The following GPAT4 variants were observed in gnomAD, a reference collection of about 807,000 sequenced individuals.
GPAT4 encodes glycerol-3-phosphate acyltransferase 4.
GPAT4 carries 17 observed loss-of-function variants against 58.0 expected under a neutral mutation model. The observed-to-expected ratio is 0.29, with a 90% CI of 0.20 to 0.44. The LOEUF (loss-of-function observed/expected upper bound fraction) is 0.44, where lower values mean the gene tolerates loss of function less well. Ranked by LOEUF, GPAT4 falls within the 20% of genes least tolerant of loss-of-function variation. The pLI, the probability that GPAT4 is intolerant of heterozygous loss-of-function variation, is 1.00. For synonymous variants in GPAT4, 204 were observed against 210.1 expected, an observed-to-expected ratio of 0.97 and a Z score of 0.25; for missense variants, 377 against 574.5, an observed-to-expected ratio of 0.66 and a Z score of 3.51.
rs140149185 is a variant in GPAT4, at chr8:41,580,879, G to C, written c.-849+2601G>C. ...GAGTGTTGTGGCTAGGCTCTTCAGAGGCTAGCCTAACTTGCTAAGTGGTTT... is the reference window on the plus strand; with the variant it reads ...GAGTGTTGTGGCTAGGCTCTTCAGACGCTAGCCTAACTTGCTAAGTGGTTT... On this transcript the variant is annotated intron_variant, in intron 1 of 12. Coordinates refer to ENST00000396987, the MANE Select transcript of GPAT4 (RefSeq NM_178819.4). 7.1e-4 allele frequency among the ~76,000 whole-genome samples: 108 copies of C among 152,298 alleles called. 1 individual carries two copies. The East Asian group carries it at 0.015, about 21-fold the overall frequency.
chr8:41,582,611 A>T (rs542133033), intron 1 of GPAT4, among the ~76,000 whole-genome samples: 13 of 152,220 alleles, frequency 8.5e-5, no homozygotes, highest in African/African-American at 2.9e-4. Flanking sequence ...ATGCTTTTTT[A>T]AAAAGCACAA....
chr8:41,614,400 T>C lies in GPAT4; in HGVS notation c.926T>C (p.Val309Ala). ...TTCTTTGAAAGACTGACTGAACATG[T>C]GCAAGATAAAAGCAAGCTGCCTATC... ...HLVAKRLTEHVQDKSKLPILI... is the reference protein window; with the variant it reads ...HLVAKRLTEHAQDKSKLPILI... The change falls in exon 9 of 13, where the codon GTG becomes GCG. Residue 309 changes from valine (V) to alanine (A), a missense_variant. By Grantham distance (64) the Val-to-Ala change is moderately conservative. Coordinates refer to ENST00000396987, the MANE Select transcript of GPAT4 (RefSeq NM_178819.4). The C allele has an allele frequency of 6.2e-7, 1 of 1,614,088 alleles. No homozygotes were observed. Among genetic ancestry groups the C allele is most frequent in the Non-Finnish European group, 8.5e-7 (1 of 1,179,976 alleles).
intron 1 of GPAT4, among the ~76,000 whole-genome samples, chr8:41,582,082 C>T (rs1446311584): frequency 2.2e-5 from 3 of 136,388 alleles, no homozygotes; most frequent in Non-Finnish European, 4.5e-5. Context: ...GATCTCGGCT[C>T]TCTGCAACCC....
chr8:41,598,392 C>A lies in GPAT4; in HGVS notation c.-748C>A, dbSNP rs941876817. The stretch of plus-strand genomic sequence containing the variant: ...GTCCAGAGGATACCAATGCCAGATG[C>A]ATCTGGAGTTACACTCAGCACTCGC... On this transcript the variant is annotated 5_prime_UTR_variant, in exon 2 of 13. Coordinates refer to ENST00000396987, the MANE Select transcript of GPAT4 (RefSeq NM_178819.4). 3 of 152,198 alleles carry A rather than the reference C, an allele frequency of 2.0e-5. No homozygotes were observed. The highest frequency in any genetic ancestry group is 4.4e-5 in the Non-Finnish European group (3 of 68,062). The allele number at this position is 152,198 out of a possible 1,614,324, so 9.4% of individuals were successfully genotyped here.
At chr8:41,617,738 C>T (rs1411865711) in intron 10 of GPAT4, among the ~76,000 whole-genome samples, 2 of 152,166 alleles carry the variant, frequency 1.3e-5, no homozygotes, top group Non-Finnish European at 2.9e-5. Context: ...GCAGCATGGC[C>T]GTGTGGCATA....
At position 41,594,568 on chromosome 8, in the gene GPAT4, T is replaced by C. The variant is rs1385859222; in HGVS notation, c.-848-3724T>C. Among the ~76,000 whole-genome samples the C allele has an allele frequency of 3.7e-5, 5 of 135,922 alleles. No individual in the cohort carries two copies. The East Asian group carries it at 6.3e-4, about 17-fold the overall frequency. 89.2% of individuals were successfully genotyped at this position (135,922 alleles called of 152,430 possible). A position where few individuals can be genotyped will look rare whatever the true frequency, so the allele number is the denominator to read the frequency against. On this transcript the variant is annotated intron_variant, in intron 1 of 12. Transcript: ENST00000396987. ...AAACTTTTTTTTTTTTTTTTTGAGA[T>C]GGAGTCTCGCTCTGTCGCTCAGGCT...
At chr8:41,613,010 A>G in intron 8 of GPAT4, 50 bp downstream of exon 8, 2 of 1,532,334 alleles carry the variant, frequency 1.3e-6, no homozygotes, top group Non-Finnish European at 1.8e-6. Flanking sequence ...AATGCTGAAA[A>G]GGTTTCAGGG....
At position 41,619,046 on chromosome 8, in the gene GPAT4, A is replaced by G. The variant is rs912046618; in HGVS notation, c.1262+69A>G. On this transcript the variant is annotated intron_variant, in intron 12 of 12. Coordinates refer to ENST00000396987, the MANE Select transcript of GPAT4 (RefSeq NM_178819.4). ...ATGCTGTGTCATTGACTTCACTTAC[A>G]TGTCATTCCCCGTGGTGTGGAGAAT... 13 of 1,548,834 alleles carry G rather than the reference A, an allele frequency of 8.4e-6. No homozygotes were observed. The Admixed American group carries it at 1.7e-4, about 20-fold the overall frequency.
chr8:41,615,837 G>GC (rs766956926), intron 10 of GPAT4, among the ~76,000 whole-genome samples: 1 of 152,338 alleles, frequency 6.6e-6, no homozygotes, highest in East Asian at 1.9e-4. Context: ...TGGGTTGTCT[G>GC]CAGAGCATTC....
chr8:41,578,470 C>A (rs890473746), intron 1 of GPAT4, 192 bp downstream of exon 1: 1 of 151,648 alleles, frequency 6.6e-6, no homozygotes, highest in African/African-American at 2.4e-5. Flanking sequence ...GGGTGCCCCC[C>A]GTCCGGGATG....
intron 1 of GPAT4, among the ~76,000 whole-genome samples, chr8:41,586,791 A>G (rs914594155): frequency 2.6e-5 from 4 of 152,134 alleles, no homozygotes; most frequent in Admixed American, 2.6e-4. Context: ...GTGCTCAGAG[A>G]TGGTTGTCTT....
chr8:41,584,219 G>A (rs1246767546), intron 1 of GPAT4, among the ~76,000 whole-genome samples: 2 of 152,158 alleles, frequency 1.3e-5, no homozygotes, highest in Non-Finnish European at 2.9e-5. Flanking sequence ...AAATTTAAAA[G>A]ACTGTATTGG....
chr8:41,582,289 A>G (rs893456838), intron 1 of GPAT4, among the ~76,000 whole-genome samples: 1 of 151,976 alleles, frequency 6.6e-6, no homozygotes, highest in South Asian at 2.1e-4. Context: ...CAGGCGTGAG[A>G]CACTGCACGT....
chr8:41,612,320 A>G, intron 7 of GPAT4, 47 bp downstream of exon 7: 1 of 1,598,372 alleles, frequency 6.3e-7, no homozygotes, highest in Admixed American at 1.7e-5. Flanking sequence ...TTCCTGCTTT[A>G]GAGTGGTCAG....
At chr8:41,590,664 A>T (rs559890661) in intron 1 of GPAT4, among the ~76,000 whole-genome samples, 219 of 152,354 alleles carry the variant, frequency 1.4e-3, no homozygotes, top group African/African-American at 4.6e-3. Context: ...AATGTTAGCA[A>T]TCGCAGTGAC....
At chr8:41,611,759 T>A (rs750893164) in intron 5 of GPAT4, 144 bp from the exon 6 acceptor site, 35 of 650,228 alleles carry the variant, frequency 5.4e-5, no homozygotes, top group Non-Finnish European at 2.7e-6. Flanking sequence ...AAGGTGCTCA[T>A]GCATCACAGG....
At chr8:41,615,116 G>A in intron 10 of GPAT4, 68 bp downstream of exon 10, 1 of 1,402,902 alleles carries the variant, frequency 7.1e-7, no homozygotes, top group African/African-American at 1.4e-5. Flanking sequence ...AGCAGGAGGA[G>A]GTAGAGGAAG....
At chr8:41,587,511 T>C (rs1464468386) in intron 1 of GPAT4, among the ~76,000 whole-genome samples, 1 of 152,338 alleles carries the variant, frequency 6.6e-6, no homozygotes, top group East Asian at 1.9e-4. Flanking sequence ...ATCACTTTGC[T>C]CATGCTTTAA....
chr8:41,624,675 C>T lies in GPAT4; in HGVS notation c.*3674C>T, dbSNP rs1217991200. The T allele has an allele frequency of 6.6e-6, 1 of 152,228 alleles. No homozygotes were observed. Among genetic ancestry groups the T allele is most frequent in the Non-Finnish European group, 1.5e-5 (1 of 68,090 alleles). 9.4% of individuals were successfully genotyped at this position (152,228 alleles called of 1,614,324 possible). On this transcript the variant is annotated 3_prime_UTR_variant, in exon 13 of 13. Transcript: ENST00000396987. ...CATCTTCTACAGCACGCACACCCCA[C>T]TCTCTCCCCCAGTCAATATGTCTCT...
Sources: allele counts gnomAD v4.1 joint callset (sites outside exome capture counted in the v4.1 genomes callset), GRCh38; gene constraint gnomAD v4.1.1; transcripts MANE v1.5; gene names NCBI Gene and HGNC (gene_info 2026-07-23, HGNC 2026-07-21).